The following PCSK9 variants were observed in gnomAD, a reference collection of about 807,000 sequenced individuals.
PCSK9 encodes proprotein convertase subtilisin/kexin type 9.
PCSK9 carries 57 observed loss-of-function variants against 62.1 expected under a neutral mutation model. The ratio of observed to expected loss-of-function variants is 0.92; its 90% CI spans 0.74 to 1.14. The LOEUF (loss-of-function observed/expected upper bound fraction) is 1.14. Ranked by LOEUF, PCSK9 falls within the 50% of genes most tolerant of loss-of-function variation. The probability of loss-of-function intolerance (pLI) is 0.00; values close to 1 mark genes in which losing one functional copy is unlikely to be tolerated. For synonymous variants in PCSK9, 387 were observed against 409.4 expected (o/e 0.95, Z 0.66); for missense variants, 870 against 959.8 (o/e 0.91, Z 1.24).
In PCSK9 at chr1:55,039,718, G is replaced by T; in HGVS notation, c.-120G>T. ...TTCCGCGCGCCCCTTCACGCGCCCT[G>T]CTCCTGAACTTCAGCTCCTGCACAG... On this transcript the variant is annotated 5_prime_UTR_variant, in exon 1 of 12. Transcript: ENST00000302118. 1 of 1,232,468 alleles carries T rather than the reference G, an allele frequency of 8.1e-7. No homozygotes were observed. Among genetic ancestry groups the T allele is most frequent in the Middle Eastern group, 2.7e-4 (1 of 3,664 alleles). 76.3% of individuals were successfully genotyped at this position (1,232,468 alleles called of 1,614,324 possible). A position where few individuals can be genotyped will look rare whatever the true frequency, so the allele number is the denominator to read the frequency against.
chr1:55,040,602 TTA>T lies in PCSK9; in HGVS notation c.207+560_207+561del, dbSNP rs1383613631. Among the ~76,000 whole-genome samples, 2 of 152,138 alleles carry T rather than the reference TTA, an allele frequency of 1.3e-5. No individual in the cohort carries two copies. The highest frequency in any genetic ancestry group is 2.9e-5 in the Non-Finnish European group (2 of 68,020). Reference sequence around the variant, plus strand: ...ATGCTGGGAGCACGAGGCAATTTCTTTATGACACAGAACTCATGCTCTAGTAT... The same window carrying T: ...ATGCTGGGAGCACGAGGCAATTTCTTTGACACAGAACTCATGCTCTAGTAT... On this transcript the variant is annotated intron_variant, in intron 1 of 11. Coordinates refer to ENST00000302118, the MANE Select transcript of PCSK9 (RefSeq NM_174936.4). The surrounding 1 kb of genome is among the most constrained non-coding windows in gnomAD (Gnocchi z 4.1).
At chr1:55,057,230 G>A in intron 6 of PCSK9, 101 bp from the exon 7 acceptor site, 8 of 1,402,856 alleles carry the variant, frequency 5.7e-6, no homozygotes, top group Non-Finnish European at 8.0e-6. Flanking sequence ...ACCCAAACAG[G>A]TGTATAGCAG....
chr1:55,041,672 T>A (rs1387307035), intron 1 of PCSK9, among the ~76,000 whole-genome samples: 1 of 152,196 alleles, frequency 6.6e-6, no homozygotes, highest in Non-Finnish European at 1.5e-5. Context: ...CCTTTTCTTT[T>A]AGTCATGAGA....
rs1205594940 is a variant in PCSK9, at chr1:55,056,710, C to CG, written c.996+525dup. The stretch of plus-strand genomic sequence containing the variant: ...CCGCATGCCCGGTGCAGTGTGGCTG[C>CG]GGGGACACAGACACGGAGCCTCGGC... On this transcript the variant is annotated intron_variant, in intron 6 of 11. Transcript: ENST00000302118. Among the ~76,000 whole-genome samples the CG allele has an allele frequency of 2.6e-5, 4 of 152,128 alleles. No homozygotes were observed. The South Asian group carries it at 8.3e-4, about 31-fold the overall frequency.
At chr1:55,061,012 G>A (rs516499) in intron 10 of PCSK9, among the ~76,000 whole-genome samples, 125,916 of 152,152 alleles carry the variant, frequency 0.83, 52,277 homozygotes, top group East Asian at 0.99. Flanking sequence ...GACAGACCCC[G>A]GCTTACCCTT....
At position 55,058,213 on chromosome 1, in the gene PCSK9, A is replaced by AGCAGGATG. The variant is rs769435346; in HGVS notation, c.1354+10_1354+17dup. On this transcript the variant is annotated splice_donor_region_variant and intron_variant, in intron 8 of 11. Transcript: ENST00000302118. ...CCCCCCAGCACCCATGGGGCAGGTA[A>AGCAGGATG]GCAGGATGGCAGGGTGGGCAAGTCC... 1 of 1,611,112 alleles carries AGCAGGATG rather than the reference A, an allele frequency of 6.2e-7. No homozygotes were observed. Among genetic ancestry groups the AGCAGGATG allele is most frequent in the African/African-American group, 1.3e-5 (1 of 74,890 alleles).
chr1:55,041,043 C>G (rs918489791), intron 1 of PCSK9, among the ~76,000 whole-genome samples: 4 of 152,200 alleles, frequency 2.6e-5, no homozygotes, highest in Admixed American at 6.5e-5. Context: ...TATCCTTGAG[C>G]CTCCATTGCC....
intron 1 of PCSK9, among the ~76,000 whole-genome samples, chr1:55,041,428 C>A (rs1644597467): frequency 6.6e-6 from 1 of 152,126 alleles, no homozygotes; most frequent in East Asian, 1.9e-4. Context: ...TTCAAGTTAC[C>A]ACTGCTCCAA....
intron 3 of PCSK9, chr1:55,051,476 T>G (rs928687661): frequency 3.1e-6 from 1 of 322,454 alleles, no homozygotes; most frequent in African/African-American, 2.2e-5. Context: ...TTGCTTCCTT[T>G]CTTCCTCTCT....
rs1256146794 is a variant in PCSK9, at chr1:55,061,506, G to C, written c.1813G>C (p.Gly605Arg). The change falls in exon 11 of 12, where the codon GGT (glycine) becomes CGT (arginine). Residue 605 changes from glycine to arginine, a missense_variant. Transcript: ENST00000302118. Reference sequence around the variant, plus strand: ...CCACGCTTCCTGCTGCCATGCCCCAGGTCTGGAATGCAAAGTCAAGGAGCA... The same window carrying C: ...CCACGCTTCCTGCTGCCATGCCCCACGTCTGGAATGCAAAGTCAAGGAGCA... The part of the protein sequence containing the change: ...SIHASCCHAP[G>R]LECKVKEHGI... The C allele has an allele frequency of 6.2e-7, 1 of 1,605,150 alleles. No homozygotes were observed. The highest frequency in any genetic ancestry group is 2.2e-5 in the East Asian group (1 of 44,562).
intron 5 of PCSK9, among the ~76,000 whole-genome samples, chr1:55,053,790 T>C (rs186540433): frequency 1.3e-5 from 2 of 152,312 alleles, no homozygotes; most frequent in African/African-American, 2.4e-5. Flanking sequence ...CACCCCTTTA[T>C]TGACTGACCT....
intron 1 of PCSK9, among the ~76,000 whole-genome samples, chr1:55,043,171 T>C (rs1295734569): frequency 2.0e-5 from 3 of 152,232 alleles, no homozygotes; most frequent in Non-Finnish European, 2.9e-5. Flanking sequence ...TATTCCTTTA[T>C]ATAGCAACAC....
intron 9 of PCSK9, 99 bp downstream of exon 9, chr1:55,058,746 C>A: frequency 1.3e-6 from 2 of 1,541,092 alleles, no homozygotes; most frequent in Non-Finnish European, 8.8e-7. Flanking sequence ...GGACCCCCAG[C>A]AAGCCCCTCC....
Position 55,063,788 on chromosome 1 carries a change from C to T in PCSK9, c.*204C>T. On this transcript the variant is annotated 3_prime_UTR_variant, in exon 12 of 12. Coordinates refer to ENST00000302118, the MANE Select transcript of PCSK9 (RefSeq NM_174936.4). ...TCACTCACTCTGGGTGCCTCCTCCCCAGGTGGAGGTGCCAGGAAGCTCCCT... is the reference window on the plus strand; with the variant it reads ...TCACTCACTCTGGGTGCCTCCTCCCTAGGTGGAGGTGCCAGGAAGCTCCCT... 1 of 628,602 alleles carries T rather than the reference C, an allele frequency of 1.6e-6. No homozygotes were observed. The highest frequency in any genetic ancestry group is 2.7e-6 in the Non-Finnish European group (1 of 366,142). The allele number at this position is 628,602 out of a possible 1,614,324, so 38.9% of individuals were successfully genotyped here.
intron 6 of PCSK9, among the ~76,000 whole-genome samples, chr1:55,056,422 C>G (rs918433091): frequency 2.6e-5 from 4 of 152,156 alleles, no homozygotes; most frequent in African/African-American, 9.7e-5. Flanking sequence ...TAGCAGTGGC[C>G]CCGCCATGCG....
At chr1:55,050,105 GC>G (rs1364559451) in intron 3 of PCSK9, among the ~76,000 whole-genome samples, 2 of 152,236 alleles carry the variant, frequency 1.3e-5, no homozygotes, top group Non-Finnish European at 2.9e-5. Context: ...TTCTAGATAA[GC>G]CTGTATTCCC....
intron 3 of PCSK9, chr1:55,051,517 T>C: frequency 3.2e-6 from 1 of 310,780 alleles, no homozygotes; most frequent in African/African-American, 2.2e-5. Context: ...TGGACCTGCC[T>C]GGCATCTGTG....
chr1:55,055,957 C>G (rs924057204), intron 5 of PCSK9, 36 bp from the exon 6 acceptor site: 1 of 1,560,234 alleles, frequency 6.4e-7, no homozygotes, highest in African/African-American at 1.4e-5. Flanking sequence ...GGGAGCAGGT[C>G]TCCCCAAGGG....
rs1644778882 is a variant in PCSK9, at chr1:55,063,536, C to T, written c.2031C>T (p.Ile677=). ...AAGGGGCCGTGACAGCCGTTGCCAT[C>T]TGCTGCCGGAGCCGGCACCTGGCGC... ...TSEGAVTAVA[I]CCRSRHLAQA... The change falls in exon 12 of 12, where the codon ATC becomes ATT. Residue 677 remains isoleucine (I), a synonymous_variant. Transcript: ENST00000302118. 4 of 1,613,488 alleles carry T rather than the reference C, an allele frequency of 2.5e-6. No individual in the cohort carries two copies. The highest frequency in any genetic ancestry group is 3.4e-6 in the Non-Finnish European group (4 of 1,179,764).
Sources: allele counts gnomAD v4.1 joint callset (sites outside exome capture counted in the v4.1 genomes callset), GRCh38; gene constraint gnomAD v4.1.1; non-coding constraint Gnocchi (gnomAD v3.1); transcripts MANE v1.5; gene names NCBI Gene and HGNC (gene_info 2026-07-23, HGNC 2026-07-21).